PACRG: variants seen among roughly 807,000 people sequenced by gnomAD.
The protein encoded by PACRG is parkin coregulated.
A neutral mutation model predicts 29.7 loss-of-function variants in PACRG; 29 were observed. That is an observed-to-expected ratio of 0.98 (90% CI 0.73 to 1.33). The LOEUF is 1.33. Among genes scored for constraint, PACRG ranks in the 40% most tolerant of loss-of-function variants. PACRG has a pLI of 0.00. For missense variants in PACRG, 279 were observed against 316.2 expected (o/e 0.88, Z 0.89); for synonymous variants, 116 against 118.7 (o/e 0.98, Z 0.15).
At chr6:162,912,640 C>T (rs948357003) in intron 2 of PACRG, among the ~76,000 whole-genome samples, 1 of 149,144 alleles carries the variant, frequency 6.7e-6, no homozygotes, top group Non-Finnish European at 1.5e-5. Context: ...GGCGCAATCT[C>T]AGCTCAGTGC....
At chr6:163,233,124 A>G (rs7746412) in intron 4 of PACRG, among the ~76,000 whole-genome samples, 5,024 of 152,350 alleles carry the variant, frequency 0.033, 121 homozygotes, top group African/African-American at 0.072. Context: ...TTGTCCCCCA[A>G]GAAGTATTCT....
chr6:163,026,951 C>T (rs1008438164), intron 2 of PACRG, among the ~76,000 whole-genome samples: 2 of 152,144 alleles, frequency 1.3e-5, no homozygotes, highest in Non-Finnish European at 2.9e-5. Flanking sequence ...CCTGGGGCAG[C>T]CAGGTTATTG....
In PACRG at chr6:162,852,364, A is replaced by T. The variant is rs185974426; in HGVS notation, c.291+38083A>T. On this transcript the variant is annotated intron_variant, in intron 2 of 4. Transcript: ENST00000366888. ...GAAGGAACTGGCACCAGCACTACTG[A>T]CCCCCGGGGGCCAGGGTGCTGCCAG... 1.6e-3 allele frequency among the ~76,000 whole-genome samples: 249 copies of T among 152,048 alleles called. 1 individual carries two copies. The highest frequency in any genetic ancestry group is 1.3e-3 in the Non-Finnish European group (88 of 67,980).
chr6:162,970,498 G>A (rs1367778913), intron 2 of PACRG, among the ~76,000 whole-genome samples: 1 of 152,106 alleles, frequency 6.6e-6, no homozygotes, highest in East Asian at 1.9e-4. Flanking sequence ...CCTATGTAGT[G>A]AACAAGCACA....
intron 2 of PACRG, among the ~76,000 whole-genome samples, chr6:162,985,353 C>T (rs1412949180): frequency 6.6e-6 from 1 of 151,986 alleles, no homozygotes; most frequent in Non-Finnish European, 1.5e-5. Context: ...AAAGATAATC[C>T]ACCATGATCA....
At chr6:163,226,218 T>C (rs1467566989) in intron 4 of PACRG, among the ~76,000 whole-genome samples, 1 of 152,018 alleles carries the variant, frequency 6.6e-6, no homozygotes, top group African/African-American at 2.4e-5. Context: ...GAAAGCGGAT[T>C]GGGAGATGTT....
In PACRG at chr6:163,037,980, A is replaced by G. The variant is rs147622547; in HGVS notation, c.292-24170A>G. Among the ~76,000 whole-genome samples the G allele has an allele frequency of 4.4e-3, 672 of 152,370 alleles. 7 individuals carry two copies. The highest frequency in any genetic ancestry group is 0.015 in the African/African-American group (637 of 41,588). ...ATAATATACTACTTCTAATGCTTTT[A>G]TAGTAAAGTGGCAATAATAATGATT... is the stretch of plus-strand genomic sequence containing the variant. On this transcript the variant is annotated intron_variant, in intron 2 of 4. Transcript: ENST00000366888.
At chr6:163,313,901 G>A (rs1216754096) in intron 4 of PACRG, 3 of 152,116 alleles carry the variant, frequency 2.0e-5, no homozygotes, top group African/African-American at 7.2e-5. Context: ...GAAAACAATT[G>A]TGGAATATCT....
intron 2 of PACRG, among the ~76,000 whole-genome samples, chr6:163,027,995 A>C (rs1807303135): frequency 6.6e-6 from 1 of 152,168 alleles, no homozygotes; most frequent in Non-Finnish European, 1.5e-5. Context: ...CAGGGAAGGG[A>C]AAGGGCACGC....
intron 2 of PACRG, among the ~76,000 whole-genome samples, chr6:163,059,827 GTTA>G (rs1810944905): frequency 6.6e-6 from 1 of 152,128 alleles, no homozygotes; most frequent in Non-Finnish European, 1.5e-5. Flanking sequence ...AAACATTGGT[GTTA>G]TTATTGTTGC....
At position 162,977,523 on chromosome 6, in the gene PACRG, C is replaced by T. The variant is rs577099801; in HGVS notation, c.292-84627C>T. On this transcript the variant is annotated intron_variant, in intron 2 of 4. Coordinates refer to ENST00000366888, the MANE Select transcript of PACRG (RefSeq NM_001080379.2). ...TTCATAAATATTCGCCACCCTGAGCCCCTTTTTTTTCTCCTCGAACCCCAT... is the reference window on the plus strand; with the variant it reads ...TTCATAAATATTCGCCACCCTGAGCTCCTTTTTTTTCTCCTCGAACCCCAT... Among the ~76,000 whole-genome samples the T allele has an allele frequency of 3.4e-4, 51 of 152,048 alleles. 1 individual carries two copies. The highest frequency in any genetic ancestry group is 7.1e-4 in the Non-Finnish European group (48 of 68,012).
chr6:163,067,276 G>A (rs1811641399), intron 3 of PACRG, among the ~76,000 whole-genome samples: 1 of 152,228 alleles, frequency 6.6e-6, no homozygotes, highest in Non-Finnish European at 1.5e-5. Flanking sequence ...GCCGGGCTGA[G>A]GCAAGGCCTG....
chr6:162,799,628 C>T (rs1785682003), intron 1 of PACRG, among the ~76,000 whole-genome samples: 1 of 151,658 alleles, frequency 6.6e-6, no homozygotes, highest in Admixed American at 6.6e-5. Context: ...GAAAGTGGGA[C>T]CCTTTTTTTT....
At position 163,297,711 on chromosome 6, in the gene PACRG, C is replaced by A. The variant is rs537610161; in HGVS notation, c.614-17116C>A. Among the ~76,000 whole-genome samples, 11 of 152,230 alleles carry A rather than the reference C, an allele frequency of 7.2e-5. No homozygotes were observed. In the South Asian group the frequency reaches 2.1e-3, roughly 29 times the overall value. On this transcript the variant is annotated intron_variant, in intron 4 of 4. Coordinates refer to ENST00000366888, the MANE Select transcript of PACRG (RefSeq NM_001080379.2). ...AAAATAACAATGACTTTATGTGTAGCCTCATTGAGACTTAATCCAACTTAA... is the reference window on the plus strand; with the variant it reads ...AAAATAACAATGACTTTATGTGTAGACTCATTGAGACTTAATCCAACTTAA...
chr6:163,132,117 T>C (rs1393778880), intron 4 of PACRG, among the ~76,000 whole-genome samples: 2 of 152,244 alleles, frequency 1.3e-5, no homozygotes, highest in Non-Finnish European at 2.9e-5. Context: ...TTTAATATGC[T>C]CATGAAGTTA....
chr6:162,871,009 G>A (rs1236828228), intron 2 of PACRG, among the ~76,000 whole-genome samples: 10 of 152,140 alleles, frequency 6.6e-5, no homozygotes, highest in Non-Finnish European at 1.5e-5. Context: ...TAAGTTTTGG[G>A]AGTGGGAAAT....
At chr6:162,921,501 G>T (rs1273617955) in intron 2 of PACRG, among the ~76,000 whole-genome samples, 1 of 152,016 alleles carries the variant, frequency 6.6e-6, no homozygotes, top group Non-Finnish European at 1.5e-5. Context: ...TGACACTTTT[G>T]TTCATCAAAA....
At chr6:163,115,078 GATTGTA>G (rs1243532690) in intron 4 of PACRG, among the ~76,000 whole-genome samples, 9 of 152,168 alleles carry the variant, frequency 5.9e-5, no homozygotes, top group African/African-American at 2.2e-4. Flanking sequence ...GATCATTTAG[GATTGTA>G]ATCAACCATT....
At chr6:162,791,664 C>T (rs1258403460) in intron 1 of PACRG, among the ~76,000 whole-genome samples, 5 of 152,136 alleles carry the variant, frequency 3.3e-5, no homozygotes, top group Admixed American at 1.3e-4. Flanking sequence ...ACTAGCTCCA[C>T]GTGGGCGCTT....
Sources: allele counts gnomAD v4.1 joint callset (sites outside exome capture counted in the v4.1 genomes callset), GRCh38; gene constraint gnomAD v4.1.1; transcripts MANE v1.5; gene names NCBI Gene and HGNC (gene_info 2026-07-23, HGNC 2026-07-21).